Variants in SH3RF3 observed in about 807,000 individuals in gnomAD.
SH3RF3 encodes the protein E3 ubiquitin-protein ligase SH3RF3.
In SH3RF3, 29 loss-of-function variants were observed where a neutral mutation model predicts 66.3. That is an observed-to-expected ratio of 0.44 (90% confidence interval 0.33 to 0.60). The LOEUF (loss-of-function observed/expected upper bound fraction) is 0.60. Ranked by LOEUF, SH3RF3 falls within the 20% of genes least tolerant of loss-of-function variation. The probability of loss-of-function intolerance (pLI) is 0.04; values close to 1 mark genes in which losing one functional copy is unlikely to be tolerated. For synonymous variants in SH3RF3, 583 were observed against 532.0 expected (o/e 1.10, Z -1.32); for missense variants, 1,194 against 1,190.9 (o/e 1.00, Z -0.04).
chr2:109,299,677 C>T (rs1381980307), intron 1 of SH3RF3, among the ~76,000 whole-genome samples: 1 of 152,182 alleles, frequency 6.6e-6, no homozygotes, highest in Non-Finnish European at 1.5e-5. Flanking sequence ...ACCTAAAAGC[C>T]AGTTCTGCCC....
intron 1 of SH3RF3, among the ~76,000 whole-genome samples, chr2:109,196,747 C>G (rs961772150): frequency 6.6e-6 from 1 of 152,150 alleles, no homozygotes; most frequent in African/African-American, 2.4e-5. Context: ...CCACATGCCC[C>G]GTGGCCTTCT....
chr2:109,267,564 C>A (rs1193046957), intron 1 of SH3RF3, among the ~76,000 whole-genome samples: 3 of 152,188 alleles, frequency 2.0e-5, no homozygotes, highest in Non-Finnish European at 2.9e-5. Context: ...ATCAAGTTTG[C>A]TTCCTAATGA....
chr2:109,244,727 A>AG, intron 1 of SH3RF3, among the ~76,000 whole-genome samples: 1 of 152,190 alleles, frequency 6.6e-6, no homozygotes, highest in Non-Finnish European at 1.5e-5. Context: ...TAGAGACAGG[A>AG]GTCAAAGTCA....
chr2:109,184,692 A>G (rs1467888850), intron 1 of SH3RF3, among the ~76,000 whole-genome samples: 1 of 152,182 alleles, frequency 6.6e-6, no homozygotes, highest in Non-Finnish European at 1.5e-5. Context: ...TCCCCCTGCC[A>G]CCAGGAAGCA....
At chr2:109,430,583 C>T (rs899168508) in intron 5 of SH3RF3, among the ~76,000 whole-genome samples, 3 of 152,160 alleles carry the variant, frequency 2.0e-5, no homozygotes, top group Non-Finnish European at 4.4e-5. Context: ...GTTCTCCTCT[C>T]CTCCCCTCCA....
At chr2:109,258,905 C>T (rs1680286007) in intron 1 of SH3RF3, among the ~76,000 whole-genome samples, 1 of 152,190 alleles carries the variant, frequency 6.6e-6, no homozygotes, top group African/African-American at 2.4e-5. Context: ...TTTTGCCTTT[C>T]AGCTCGAGCT....
At chr2:109,222,497 AT>A (rs56857062) in intron 1 of SH3RF3, among the ~76,000 whole-genome samples, 20,989 of 147,692 alleles carry the variant, frequency 0.14, 2,675 homozygotes, top group African/African-American at 0.36. Context: ...CTCCAAAAAA[AT>A]AAAAAGAGTC....
At position 109,466,793 on chromosome 2, in the gene SH3RF3, GTATCTATATGTGTGTA is replaced by G. The variant is rs1030812329; in HGVS notation, c.2148+17306_2148+17321del. ...TGCATGTCTATACTTGTGCATGTGT[GTATCTATATGTGTGTA>G]TGTCTATATGTGTGTATGTGTATGT... is the stretch of plus-strand genomic sequence containing the variant. On this transcript the variant is annotated intron_variant, in intron 8 of 9. Coordinates refer to ENST00000309415, the MANE Select transcript of SH3RF3 (RefSeq NM_001099289.3). 5.8e-4 allele frequency among the ~76,000 whole-genome samples: 88 copies of G among 151,740 alleles called. 2 individuals carry two copies. Among genetic ancestry groups the G allele is most frequent in the African/African-American group, 2.1e-3 (85 of 41,242 alleles).
chr2:109,392,143 C>G (rs899449388), intron 3 of SH3RF3, among the ~76,000 whole-genome samples: 1 of 152,222 alleles, frequency 6.6e-6, no homozygotes, highest in African/African-American at 2.4e-5. Flanking sequence ...TAAAGACCCA[C>G]ATTTGAATCT....
At chr2:109,306,065 T>C (rs1350849313) in intron 1 of SH3RF3, among the ~76,000 whole-genome samples, 1 of 152,160 alleles carries the variant, frequency 6.6e-6, no homozygotes, top group East Asian at 1.9e-4. Flanking sequence ...GCAGCGACAG[T>C]GGGATGTGCT....
In SH3RF3 at chr2:109,354,363, A is replaced by G. The variant is rs572164731; in HGVS notation, c.849+6414A>G. Among the ~76,000 whole-genome samples the G allele has an allele frequency of 2.0e-5, 3 of 152,296 alleles. No individual in the cohort carries two copies. The South Asian group carries it at 6.2e-4, about 32-fold the overall frequency. ...TGGGCTCCAGCTTGTTATTGCTTCTAGGAAACCACTCGACTGCATGTGAGC... is the reference window on the plus strand; with the variant it reads ...TGGGCTCCAGCTTGTTATTGCTTCTGGGAAACCACTCGACTGCATGTGAGC... On this transcript the variant is annotated intron_variant, in intron 2 of 9. Transcript: ENST00000309415.
intron 7 of SH3RF3, among the ~76,000 whole-genome samples, chr2:109,444,457 C>T (rs562953401): frequency 7.2e-5 from 11 of 152,314 alleles, no homozygotes; most frequent in Non-Finnish European, 1.6e-4. Flanking sequence ...GGACAGGAAG[C>T]CCCTGTGAGA....
intron 1 of SH3RF3, among the ~76,000 whole-genome samples, chr2:109,299,926 T>A (rs1681414740): frequency 1.3e-5 from 2 of 152,208 alleles, no homozygotes; most frequent in Admixed American, 6.5e-5. Context: ...CAGAGCCAGC[T>A]CTTAGCAAAG....
At chr2:109,381,433 A>G (rs1675663533) in intron 3 of SH3RF3, among the ~76,000 whole-genome samples, 1 of 152,054 alleles carries the variant, frequency 6.6e-6, no homozygotes, top group African/African-American at 2.4e-5. Context: ...CAGCACGCAC[A>G]CCCACCCAAT....
intron 1 of SH3RF3, among the ~76,000 whole-genome samples, chr2:109,267,438 G>A (rs529957002): frequency 6.6e-6 from 1 of 152,314 alleles, no homozygotes; most frequent in Admixed American, 6.5e-5. Flanking sequence ...GCAGCACTGA[G>A]GAAGCCTGGC....
At chr2:109,334,217 G>T (rs1682351529) in intron 1 of SH3RF3, among the ~76,000 whole-genome samples, 1 of 152,130 alleles carries the variant, frequency 6.6e-6, no homozygotes, top group South Asian at 2.1e-4. Context: ...AATTAGCCAG[G>T]TGTGGTGGCA....
Position 109,398,921 on chromosome 2 carries a change from T to C in SH3RF3, c.1277T>C (p.Leu426Pro). Residue 426 changes from leucine (L) to proline (P), a missense_variant, in exon 4 of 10, where the codon CTG becomes CCG. Coordinates refer to ENST00000309415, the MANE Select transcript of SH3RF3 (RefSeq NM_001099289.3). Reference protein sequence around the residue: ...AAARIGDLAHLSCAAPTQDVS... With the variant: ...AAARIGDLAHPSCAAPTQDVS... Reference sequence around the variant, plus strand: ...GCCAGGATTGGAGACCTTGCTCATCTGTCGTGCGCTGCTCCCACCCAGGTA... The same window carrying C: ...GCCAGGATTGGAGACCTTGCTCATCCGTCGTGCGCTGCTCCCACCCAGGTA... 1 of 1,612,624 alleles carries C rather than the reference T, an allele frequency of 6.2e-7. No homozygotes were observed. The highest frequency in any genetic ancestry group is 2.2e-5 in the East Asian group (1 of 44,872).
chr2:109,363,216 A>G (rs140442317), intron 2 of SH3RF3, among the ~76,000 whole-genome samples: 1,605 of 151,604 alleles, frequency 0.011, 22 homozygotes, highest in African/African-American at 0.037. Context: ...CTTTATTAGC[A>G]TATCAGTTGT....
intron 1 of SH3RF3, among the ~76,000 whole-genome samples, chr2:109,146,885 T>TCCC (rs570589119): frequency 5.6e-4 from 8 of 14,402 alleles, no homozygotes; most frequent in African/African-American, 9.5e-4. Context: ...CTTTTTTCCC[T>TCCC]CCCCCCCCCC....
Sources: allele counts gnomAD v4.1 joint callset (sites outside exome capture counted in the v4.1 genomes callset), GRCh38; gene constraint gnomAD v4.1.1; transcripts MANE v1.5; gene names NCBI Gene and HGNC (gene_info 2026-07-23, HGNC 2026-07-21).